The following MB21D2 variants were observed in gnomAD, a reference collection of about 807,000 sequenced individuals.
The protein encoded by MB21D2 is Mab-21 domain containing 2.
MB21D2 carries 9 observed loss-of-function variants against 33.3 expected under a neutral mutation model. The observed-to-expected ratio is 0.27, with a 90% CI of 0.16 to 0.47. The LOEUF (loss-of-function observed/expected upper bound fraction) is 0.47. Among genes scored for constraint, MB21D2 ranks in the 20% least tolerant of loss-of-function variants. The pLI is 0.99. For missense variants in MB21D2, 540 were observed against 624.6 expected, an observed-to-expected ratio of 0.86 and a Z score of 1.44; for synonymous variants, 241 against 236.3, an observed-to-expected ratio of 1.02 and a Z score of -0.18.
intron 1 of MB21D2, among the ~76,000 whole-genome samples, chr3:192,845,819 C>T (rs943961087): frequency 5.9e-5 from 9 of 152,168 alleles, no homozygotes; most frequent in African/African-American, 2.2e-4. Flanking sequence ...TGGCTCATGC[C>T]TATAGTCCCT....
intron 1 of MB21D2, among the ~76,000 whole-genome samples, chr3:192,884,663 G>A (rs540037400): frequency 1.6e-4 from 24 of 151,914 alleles, no homozygotes; most frequent in South Asian, 6.3e-4. Flanking sequence ...CATCGCACCC[G>A]GCCAGAGGTG....
intron 1 of MB21D2, among the ~76,000 whole-genome samples, chr3:192,867,033 G>A (rs139445465): frequency 1.2e-3 from 190 of 152,316 alleles, no homozygotes; most frequent in Middle Eastern, 6.8e-3. Context: ...CAGATGGTGT[G>A]AAGCCGCAGG....
chr3:192,902,199 A>T (rs1442264762), intron 1 of MB21D2, among the ~76,000 whole-genome samples: 4 of 152,126 alleles, frequency 2.6e-5, no homozygotes, highest in Non-Finnish European at 5.9e-5. Context: ...CTTTCAGGAG[A>T]TCAAAACCAT....
chr3:192,868,725 T>C (rs1186457575), intron 1 of MB21D2, among the ~76,000 whole-genome samples: 2 of 152,190 alleles, frequency 1.3e-5, no homozygotes, highest in Admixed American at 1.3e-4. Flanking sequence ...GTCTGTGCTA[T>C]GCCCAAGGAA....
chr3:192,889,186 G>T lies in MB21D2; in HGVS notation c.211+28444C>A, dbSNP rs180860068. Reference sequence around the variant, plus strand: ...TATACAGTTAGTTCAGGCAGGCAGAGAAACCCTTCTGACAAAAGGGTTAAG... The same window carrying T: ...TATACAGTTAGTTCAGGCAGGCAGATAAACCCTTCTGACAAAAGGGTTAAG... On this transcript the variant is annotated intron_variant, in intron 1 of 1. Coordinates refer to ENST00000392452, the MANE Select transcript of MB21D2 (RefSeq NM_178496.4). 1.8e-4 allele frequency among the ~76,000 whole-genome samples: 27 copies of T among 152,220 alleles called. No homozygotes were observed. In the East Asian group the frequency reaches 5.2e-3, roughly 29 times the overall value.
At chr3:192,838,206 T>C (rs1712482037) in intron 1 of MB21D2, among the ~76,000 whole-genome samples, 1 of 152,204 alleles carries the variant, frequency 6.6e-6, no homozygotes, top group Admixed American at 6.5e-5. Flanking sequence ...TGGGCATCTA[T>C]ATAAGACATC....
intron 1 of MB21D2, among the ~76,000 whole-genome samples, chr3:192,884,659 A>T (rs35416585): frequency 1.3e-5 from 2 of 151,974 alleles, no homozygotes; most frequent in African/African-American, 4.8e-5. Flanking sequence ...GAGCCATCGC[A>T]CCCGGCCAGA....
chr3:192,833,309 C>T (rs1039403275), intron 1 of MB21D2, among the ~76,000 whole-genome samples: 1 of 152,150 alleles, frequency 6.6e-6, no homozygotes, highest in African/African-American at 2.4e-5. Flanking sequence ...ATAATTTTAG[C>T]GCAGCTCCTC....
intron 1 of MB21D2, among the ~76,000 whole-genome samples, chr3:192,849,922 C>CT (rs58263373): frequency 0.35 from 48,334 of 139,774 alleles, 8,677 homozygotes; most frequent in East Asian, 0.61. Flanking sequence ...TAAAAATTTT[C>CT]TTTTTTTTTT....
chr3:192,832,731 A>G (rs1042406156), intron 1 of MB21D2, among the ~76,000 whole-genome samples: 3 of 152,164 alleles, frequency 2.0e-5, no homozygotes, highest in Non-Finnish European at 4.4e-5. Flanking sequence ...CGGAGGTTGC[A>G]GTGAGCCGAG....
At chr3:192,847,950 G>T (rs1450499402) in intron 1 of MB21D2, among the ~76,000 whole-genome samples, 6 of 152,158 alleles carry the variant, frequency 3.9e-5, no homozygotes, top group African/African-American at 1.4e-4. Flanking sequence ...TAACTTTGAT[G>T]AACTGTACAT....
At chr3:192,811,792 G>C (rs1253370931) in intron 1 of MB21D2, among the ~76,000 whole-genome samples, 1 of 151,736 alleles carries the variant, frequency 6.6e-6, no homozygotes, top group African/African-American at 2.4e-5. Flanking sequence ...TGGGGAGGGT[G>C]GATTAAAAAA....
chr3:192,898,363 T>C (rs542810465), intron 1 of MB21D2, among the ~76,000 whole-genome samples: 1 of 151,890 alleles, frequency 6.6e-6, no homozygotes, highest in African/African-American at 2.4e-5. Context: ...CTTTTCTTAA[T>C]TGAGAAAAAA....
chr3:192,908,179 A>G (rs1348244498), intron 1 of MB21D2, among the ~76,000 whole-genome samples: 1 of 152,148 alleles, frequency 6.6e-6, no homozygotes, highest in Admixed American at 6.5e-5. Flanking sequence ...AGAAAGTGCT[A>G]ATTTCTCAGA....
chr3:192,879,442 G>T (rs892522968), intron 1 of MB21D2, among the ~76,000 whole-genome samples: 1 of 152,242 alleles, frequency 6.6e-6, no homozygotes, highest in African/African-American at 2.4e-5. Context: ...GAGCAAATGC[G>T]GTGACTAAAA....
chr3:192,859,956 T>C (rs1713002960), intron 1 of MB21D2, among the ~76,000 whole-genome samples: 1 of 152,148 alleles, frequency 6.6e-6, no homozygotes, highest in Admixed American at 6.5e-5. Flanking sequence ...TAAATGAAAC[T>C]AAAGCAGAAA....
At chr3:192,826,725 G>T (rs1387780481) in intron 1 of MB21D2, among the ~76,000 whole-genome samples, 1 of 152,136 alleles carries the variant, frequency 6.6e-6, no homozygotes, top group Non-Finnish European at 1.5e-5. Context: ...TGCATCTCTG[G>T]TATTAGCTGG....
chr3:192,829,268 AATTT>A (rs545235674), intron 1 of MB21D2, among the ~76,000 whole-genome samples: 36 of 149,422 alleles, frequency 2.4e-4, no homozygotes, highest in African/African-American at 8.8e-4. Context: ...GATGTGACAC[AATTT>A]ATTTATCCAT....
At chr3:192,815,360 C>T (rs1333042031) in intron 1 of MB21D2, among the ~76,000 whole-genome samples, 1 of 152,192 alleles carries the variant, frequency 6.6e-6, no homozygotes, top group Non-Finnish European at 1.5e-5. Context: ...GAACTCCCTG[C>T]TTCATATGTG....
Sources: allele counts gnomAD v4.1 joint callset (sites outside exome capture counted in the v4.1 genomes callset), GRCh38; gene constraint gnomAD v4.1.1; transcripts MANE v1.5; gene names NCBI Gene and HGNC (gene_info 2026-07-23, HGNC 2026-07-21).